The following ZNF516 variants were observed in gnomAD, a reference collection of about 807,000 sequenced individuals.
ZNF516 encodes the protein zinc finger protein 516.
Under a neutral mutation model 79.7 loss-of-function variants are expected in ZNF516, and 19 were observed. That is an observed-to-expected ratio of 0.24 (90% CI 0.17 to 0.35). The LOEUF is 0.35. ZNF516 is among the 10% of genes least tolerant of loss of function. The pLI is 1.00. For synonymous variants in ZNF516, 877 were observed against 739.5 expected (o/e 1.19, Z -3.02); for missense variants, 1,678 against 1,679.5 (o/e 1.00, Z 0.02).
intron 1 of ZNF516, among the ~76,000 whole-genome samples, chr18:76,476,342 T>G (rs1341397159): frequency 6.6e-6 from 1 of 152,236 alleles, no homozygotes; most frequent in African/African-American, 2.4e-5. Flanking sequence ...CTTGATCCCC[T>G]TATACAAGAT....
At chr18:76,430,201 A>G (rs2075644755) in intron 3 of ZNF516, among the ~76,000 whole-genome samples, 1 of 152,210 alleles carries the variant, frequency 6.6e-6, no homozygotes, top group African/African-American at 2.4e-5. Flanking sequence ...TGGACCTACC[A>G]TCTTCCATCA....
intron 3 of ZNF516, among the ~76,000 whole-genome samples, chr18:76,420,035 C>G (rs2075485661): frequency 6.6e-6 from 1 of 152,232 alleles, no homozygotes; most frequent in African/African-American, 2.4e-5. Context: ...ACTCCAGGTA[C>G]CTGGGGATCC....
At chr18:76,490,747 G>A in intron 1 of ZNF516, 2 of 985,114 alleles carry the variant, frequency 2.0e-6, no homozygotes, top group Non-Finnish European at 2.4e-6. Context: ...GTATGTGTAA[G>A]TAGGATCCCC....
intron 3 of ZNF516, among the ~76,000 whole-genome samples, chr18:76,416,384 T>A (rs1284343861): frequency 6.6e-6 from 1 of 152,232 alleles, no homozygotes; most frequent in Non-Finnish European, 1.5e-5. Flanking sequence ...GAGCCTACGC[T>A]GAAATGTCGC....
At chr18:76,438,605 G>A (rs1167781231) in intron 3 of ZNF516, among the ~76,000 whole-genome samples, 3 of 151,918 alleles carry the variant, frequency 2.0e-5, no homozygotes, top group African/African-American at 4.8e-5. Context: ...AGTCTTATGT[G>A]GGGATAAAAG....
chr18:76,447,336 G>A (rs1181379587), intron 2 of ZNF516, among the ~76,000 whole-genome samples: 1 of 152,210 alleles, frequency 6.6e-6, no homozygotes, highest in Admixed American at 6.5e-5. Flanking sequence ...GGGTTTCGAT[G>A]GGATGCCTCC....
chr18:76,458,905 G>A (rs1599123229), intron 2 of ZNF516, among the ~76,000 whole-genome samples: 1 of 152,122 alleles, frequency 6.6e-6, no homozygotes, highest in East Asian at 1.9e-4. Flanking sequence ...GTGTGTAAAG[G>A]TTAGAGTGTG....
chr18:76,419,959 C>G (rs1011011103), intron 3 of ZNF516, among the ~76,000 whole-genome samples: 5 of 152,232 alleles, frequency 3.3e-5, no homozygotes, highest in African/African-American at 9.6e-5. Flanking sequence ...GTGAGGCCCA[C>G]GCATGTGGAG....
At chr18:76,468,417 CTTTT>C (rs58648821) in intron 1 of ZNF516, among the ~76,000 whole-genome samples, 5 of 127,410 alleles carry the variant, frequency 3.9e-5, no homozygotes, top group Non-Finnish European at 5.0e-5. Context: ...TCATTAGTGT[CTTTT>C]TTTTTTTTTT....
chr18:76,458,397 G>A (rs1203845499), intron 2 of ZNF516, among the ~76,000 whole-genome samples: 5 of 152,194 alleles, frequency 3.3e-5, no homozygotes, highest in South Asian at 2.1e-4. Context: ...AAAAGAAAAC[G>A]TCAGTGGGGT....
In ZNF516 at chr18:76,371,395, G is replaced by C. The variant is rs1599135425; in HGVS notation, c.3364+72C>G. On this transcript the variant is annotated intron_variant, in intron 5 of 6. Transcript: ENST00000443185. ...TCTCAGTATCTCCCTCGCTGCGGAT[G>C]GTCAAGCCACTGACAGAAGAGACCC... The C allele has an allele frequency of 2.8e-6, 4 of 1,422,950 alleles. No individual in the cohort carries two copies. The East Asian group carries it at 9.8e-5, about 35-fold the overall frequency. 88.1% of individuals were successfully genotyped at this position (1,422,950 alleles called of 1,614,324 possible). A position where few individuals can be genotyped will look rare whatever the true frequency, so the allele number is the denominator to read the frequency against.
At chr18:76,461,350 G>T (rs911732924) in intron 2 of ZNF516, among the ~76,000 whole-genome samples, 1 of 152,190 alleles carries the variant, frequency 6.6e-6, no homozygotes, top group Non-Finnish European at 1.5e-5. Context: ...AACAGGCACT[G>T]TGAAAAACAT....
At chr18:76,414,839 C>T (rs1228200923) in intron 3 of ZNF516, among the ~76,000 whole-genome samples, 1 of 152,266 alleles carries the variant, frequency 6.6e-6, no homozygotes, top group Non-Finnish European at 1.5e-5. Context: ...TGTGTGCACA[C>T]ACAGACACCA....
intron 3 of ZNF516, among the ~76,000 whole-genome samples, chr18:76,424,757 AAAACACACGCAGGTGAAAAGGTTCCCCCG>A (rs2075568475): frequency 1.6e-5 from 2 of 124,484 alleles, no homozygotes; most frequent in Non-Finnish European, 3.3e-5. Flanking sequence ...AGGCTCCCCC[AAAACACACGCAGGTGAAAAGGTTCCCCCG>A]AAACACACGC....
intron 1 of ZNF516, chr18:76,492,936 C>G (rs1466796826): frequency 3.0e-6 from 3 of 985,474 alleles, no homozygotes; most frequent in Non-Finnish European, 3.6e-6. Context: ...GCGGGGCTGG[C>G]CAGACTTCAC....
At chr18:76,491,196 A>C (rs1599173006) in intron 1 of ZNF516, 1 of 797,932 alleles carries the variant, frequency 1.3e-6, no homozygotes, top group Non-Finnish European at 1.5e-6. Flanking sequence ...AGCCCGGTCC[A>C]CGCCGCCGCG....
At chr18:76,492,702 G>A (rs901469608) in intron 1 of ZNF516, 1 of 984,424 alleles carries the variant, frequency 1.0e-6, no homozygotes, top group Non-Finnish European at 1.2e-6. Context: ...CACGTTTCGA[G>A]TCCCCAGTTG....
In ZNF516 at chr18:76,442,673, G is replaced by A; in HGVS notation, c.382C>T (p.Leu128=). The change falls in exon 3 of 7, where the codon CTG becomes TTG. Residue 128 remains leucine (L), a synonymous_variant. Coordinates refer to ENST00000443185, the MANE Select transcript of ZNF516 (RefSeq NM_014643.4). ...CCGTCGGCCTGCGAGGCCCCGTTCA[G>A]CAGCCGGTTGCAGGCCGAGGCGCTC... ...TKSASACNRL[L]NGASQADGAR... 1.3e-6 allele frequency: 2 copies of A among 1,582,530 alleles called. No homozygotes were observed. Among genetic ancestry groups the A allele is most frequent in the Non-Finnish European group, 1.7e-6 (2 of 1,168,102 alleles).
At chr18:76,417,845 A>T (rs1450576550) in intron 3 of ZNF516, among the ~76,000 whole-genome samples, 2 of 152,262 alleles carry the variant, frequency 1.3e-5, no homozygotes, top group East Asian at 3.8e-4. Flanking sequence ...GAAAAATGAT[A>T]TTTAAATATA....
Sources: allele counts gnomAD v4.1 joint callset (sites outside exome capture counted in the v4.1 genomes callset), GRCh38; gene constraint gnomAD v4.1.1; transcripts MANE v1.5; gene names NCBI Gene and HGNC (gene_info 2026-07-23, HGNC 2026-07-21).